BCAS3: variants seen among roughly 807,000 people sequenced by gnomAD.
BCAS3 encodes the protein BCAS3 microtubule associated cell migration factor.
Under a neutral mutation model 116.1 loss-of-function variants are expected in BCAS3, and 53 were observed. That is an observed-to-expected ratio of 0.46 (90% CI 0.37 to 0.57). BCAS3 has a LOEUF of 0.57. Ranked by LOEUF, BCAS3 falls within the 20% of genes least tolerant of loss-of-function variation. BCAS3 has a pLI of 0.00. For missense variants in BCAS3, 917 were observed against 1,165.4 expected, an observed-to-expected ratio of 0.79 and a Z score of 3.10; for synonymous variants, 391 against 408.2, an observed-to-expected ratio of 0.96 and a Z score of 0.51.
Position 61,012,515 on chromosome 17 carries a change from T to C in BCAS3, c.1487-3236T>C, listed in dbSNP as rs895628166. 5.3e-5 allele frequency among the ~76,000 whole-genome samples: 8 copies of C among 152,060 alleles called. No homozygotes were observed. Among genetic ancestry groups the C allele is most frequent in the African/African-American group, 1.9e-4 (8 of 41,438 alleles). On this transcript the variant is annotated intron_variant, in intron 15 of 23. Coordinates refer to ENST00000407086, the MANE Select transcript of BCAS3 (RefSeq NM_017679.5). The surrounding 1 kb of genome is among the most constrained non-coding windows in gnomAD (Gnocchi z 4.5). ...TTTGTCTTCTTAGATCTTGGCCTTATTGAGCATTTTATTAATATACTCATT... is the reference window on the plus strand; with the variant it reads ...TTTGTCTTCTTAGATCTTGGCCTTACTGAGCATTTTATTAATATACTCATT...
chr17:61,176,320 A>G (rs977119842), intron 22 of BCAS3, among the ~76,000 whole-genome samples: 1 of 148,544 alleles, frequency 6.7e-6, no homozygotes, highest in African/African-American at 2.4e-5. Flanking sequence ...CTGACTTTAT[A>G]TATAGATATA....
chr17:61,160,267 TA>T (rs1328737981), intron 22 of BCAS3, among the ~76,000 whole-genome samples: 1 of 151,382 alleles, frequency 6.6e-6, no homozygotes, highest in Non-Finnish European at 1.5e-5. Context: ...AAAAACTTTA[TA>T]AAAATAGTCT....
intron 22 of BCAS3, among the ~76,000 whole-genome samples, chr17:61,230,675 C>T (rs1480517557): frequency 6.6e-6 from 1 of 152,166 alleles, no homozygotes; most frequent in East Asian, 1.9e-4. Context: ...CACATTTGCT[C>T]TATCCAATCT....
chr17:61,238,334 T>C lies in BCAS3; in HGVS notation c.2426-129993T>C, dbSNP rs534805077. ...GCCTTCCAGTTTCAAGCGATTTTCC[T>C]GCCTCAACCTCCTGAGTAGCTGGGA... On this transcript the variant is annotated intron_variant, in intron 22 of 23. Coordinates refer to ENST00000407086, the MANE Select transcript of BCAS3 (RefSeq NM_017679.5). 2.1e-3 allele frequency among the ~76,000 whole-genome samples: 317 copies of C among 152,082 alleles called. 1 individual carries two copies. The highest frequency in any genetic ancestry group is 3.6e-3 in the Non-Finnish European group (244 of 68,006).
In BCAS3 at chr17:61,128,481, C is replaced by T. The variant is rs2076160181; in HGVS notation, c.2425+43917C>T. 2 of 985,230 alleles carry T rather than the reference C, an allele frequency of 2.0e-6. No individual in the cohort carries two copies. Among genetic ancestry groups the T allele is most frequent in the South Asian group, 9.4e-5 (2 of 21,278 alleles). The allele number at this position is 985,230 out of a possible 1,614,324, so 61.0% of individuals were successfully genotyped here. The stretch of plus-strand genomic sequence containing the variant: ...AGATTTGGAGAATGTTCTGTGTTTT[C>T]AAAGACAGAGGTTAACAAGCAATGG... On this transcript the variant is annotated intron_variant, in intron 22 of 23. Transcript: ENST00000407086. The surrounding 1 kb of genome is among the most constrained non-coding windows in gnomAD (Gnocchi z 4.1).
In BCAS3 at chr17:61,200,750, G is replaced by C. The variant is rs996693023; in HGVS notation, c.2425+116186G>C. ...TTTTGTTTCTTTGCCACACCCATAG[G>C]ATCAGGTACAGTTAACCTGTTTGAG... On this transcript the variant is annotated intron_variant, in intron 22 of 23. Transcript: ENST00000407086. The surrounding 1 kb of genome is among the most constrained non-coding windows in gnomAD (Gnocchi z 5.1). Among the ~76,000 whole-genome samples, 7 of 152,120 alleles carry C rather than the reference G, an allele frequency of 4.6e-5. No individual in the cohort carries two copies. Among genetic ancestry groups the C allele is most frequent in the African/African-American group, 1.7e-4 (7 of 41,422 alleles).
intron 12 of BCAS3, among the ~76,000 whole-genome samples, chr17:60,916,075 T>C (rs2058765741): frequency 6.6e-6 from 1 of 152,226 alleles, no homozygotes; most frequent in African/African-American, 2.4e-5. Context: ...ATTTGCACTG[T>C]TTCTAGCATT....
intron 14 of BCAS3, among the ~76,000 whole-genome samples, chr17:60,948,001 T>C (rs1357120610): frequency 6.6e-6 from 1 of 152,330 alleles, no homozygotes; most frequent in Non-Finnish European, 1.5e-5. Flanking sequence ...CGTGCATGGG[T>C]ACACATATGT....
At position 61,141,921 on chromosome 17, in the gene BCAS3, G is replaced by A. The variant is rs199906732; in HGVS notation, c.2425+57357G>A. Among the ~76,000 whole-genome samples the A allele has an allele frequency of 1.1e-4, 1 of 9,502 alleles. No homozygotes were observed. Among genetic ancestry groups the A allele is most frequent in the Admixed American group, 5.2e-3 (1 of 192 alleles). The allele number at this position is 9,502 out of a possible 152,430, so 6.2% of individuals were successfully genotyped here. A position where few individuals can be genotyped will look rare whatever the true frequency, so the allele number is the denominator to read the frequency against. Reference sequence around the variant, plus strand: ...CCTCAAGAAAAAAAAAAAAAAAAAAGTTAGACAATTATACAGAGATACTCA... The same window carrying A: ...CCTCAAGAAAAAAAAAAAAAAAAAAATTAGACAATTATACAGAGATACTCA... On this transcript the variant is annotated intron_variant, in intron 22 of 23. Coordinates refer to ENST00000407086, the MANE Select transcript of BCAS3 (RefSeq NM_017679.5). The surrounding 1 kb of genome is among the most constrained non-coding windows in gnomAD (Gnocchi z 4.3).
At position 61,127,989 on chromosome 17, in the gene BCAS3, G is replaced by A. The variant is rs376807458; in HGVS notation, c.2425+43425G>A. Among the ~76,000 whole-genome samples, 180 of 152,244 alleles carry A rather than the reference G, an allele frequency of 1.2e-3. 1 individual carries two copies. Among genetic ancestry groups the A allele is most frequent in the African/African-American group, 3.6e-3 (151 of 41,546 alleles). On this transcript the variant is annotated intron_variant, in intron 22 of 23. Coordinates refer to ENST00000407086, the MANE Select transcript of BCAS3 (RefSeq NM_017679.5). Reference sequence around the variant, plus strand: ...GGATGCCTTCCTCTGAAGGAAGACTGTATTGCATTTGTGTGGCTTTGGGGA... The same window carrying A: ...GGATGCCTTCCTCTGAAGGAAGACTATATTGCATTTGTGTGGCTTTGGGGA...
intron 12 of BCAS3, among the ~76,000 whole-genome samples, chr17:60,922,609 C>T (rs1232099523): frequency 6.6e-6 from 1 of 152,136 alleles, no homozygotes; most frequent in African/African-American, 2.4e-5. Flanking sequence ...ATGATTAACA[C>T]TATTTTCTAA....
At chr17:61,044,803 T>C (rs2067894488) in intron 19 of BCAS3, among the ~76,000 whole-genome samples, 1 of 151,356 alleles carries the variant, frequency 6.6e-6, no homozygotes, top group Non-Finnish European at 1.5e-5. Context: ...GATGGAGTCT[T>C]GCTCTGTTGC....
intron 22 of BCAS3, among the ~76,000 whole-genome samples, chr17:61,340,808 G>A (rs573092146): frequency 3.9e-5 from 6 of 152,308 alleles, no homozygotes; most frequent in African/African-American, 1.4e-4. Context: ...CGGGATCAAT[G>A]TATTATACAC....
At chr17:60,732,540 T>C (rs2040561319) in intron 5 of BCAS3, among the ~76,000 whole-genome samples, 2 of 152,130 alleles carry the variant, frequency 1.3e-5, no homozygotes, top group Admixed American at 1.3e-4. Flanking sequence ...AAGTAATGTA[T>C]TAGTGAGTTC....
rs1014257632 is a variant in BCAS3, at chr17:61,326,884, C to T, written c.2426-41443C>T. ...TAAAAAGATGGATTGGACACCATCT[C>T]TCCCTTTAGGCAACTCAAAATCTAT... On this transcript the variant is annotated intron_variant, in intron 22 of 23. Transcript: ENST00000407086. This position sits in a 1 kb window ranked among gnomAD's most constrained non-coding sequence, Gnocchi z 5.3. 5.3e-5 allele frequency among the ~76,000 whole-genome samples: 8 copies of T among 152,006 alleles called. No homozygotes were observed. Among genetic ancestry groups the T allele is most frequent in the South Asian group, 2.1e-4 (1 of 4,816 alleles).
intron 20 of BCAS3, among the ~76,000 whole-genome samples, 187 bp from the exon 21 acceptor site, chr17:61,078,146 G>A (rs2072208156): frequency 6.6e-6 from 1 of 152,064 alleles, no homozygotes; most frequent in Admixed American, 6.5e-5. Flanking sequence ...AAGCAGTAGA[G>A]GGATATTTTG....
At chr17:60,753,794 T>G (rs12942217) in intron 6 of BCAS3, among the ~76,000 whole-genome samples, 110,321 of 151,996 alleles carry the variant, frequency 0.73, 45,740 homozygotes, top group South Asian at 0.98. Flanking sequence ...TCATAGATTT[T>G]GGACAAAATT....
rs5821300 is a variant in BCAS3 at position 61,105,777 on chromosome 17, G to GAAAA, written c.2425+21220_2425+21223dup. Among the ~76,000 whole-genome samples the GAAAA allele has an allele frequency of 4.7e-5, 7 of 150,212 alleles. No individual in the cohort carries two copies. Among genetic ancestry groups the GAAAA allele is most frequent in the Non-Finnish European group, 3.0e-5 (2 of 67,534 alleles). On this transcript the variant is annotated intron_variant, in intron 22 of 23. Coordinates refer to ENST00000407086, the MANE Select transcript of BCAS3 (RefSeq NM_017679.5). The surrounding 1 kb of genome is among the most constrained non-coding windows in gnomAD (Gnocchi z 4.3). ...TTGCTTTAAGTGTTGGGAGAAAATGGAAAAAAAAAAGTTAGAGCTTTAGTA... is the reference window on the plus strand; with the variant it reads ...TTGCTTTAAGTGTTGGGAGAAAATGGAAAAAAAAAAAAAAGTTAGAGCTTTAGTA...
At chr17:61,009,671 A>G (rs2064974288) in intron 15 of BCAS3, among the ~76,000 whole-genome samples, 1 of 152,090 alleles carries the variant, frequency 6.6e-6, no homozygotes, top group Non-Finnish European at 1.5e-5. Flanking sequence ...AAAGACAACT[A>G]TACATATGTA....
Sources: allele counts gnomAD v4.1 joint callset (sites outside exome capture counted in the v4.1 genomes callset), GRCh38; gene constraint gnomAD v4.1.1; non-coding constraint Gnocchi (gnomAD v3.1); transcripts MANE v1.5; gene names NCBI Gene and HGNC (gene_info 2026-07-23, HGNC 2026-07-21).